The following SLC24A2 variants were observed in gnomAD, a reference collection of about 807,000 sequenced individuals.
The protein encoded by SLC24A2 is sodium/potassium/calcium exchanger 2.
A neutral mutation model predicts 62.0 loss-of-function variants in SLC24A2; 36 were observed. The ratio of observed to expected loss-of-function variants is 0.58; its 90% CI spans 0.44 to 0.77. SLC24A2 has a LOEUF of 0.77. Ranked by LOEUF, SLC24A2 falls within the 30% of genes least tolerant of loss-of-function variation. The pLI is 0.00. For missense variants in SLC24A2, 846 were observed against 817.9 expected (o/e 1.03, Z -0.42); for synonymous variants, 358 against 294.0 (o/e 1.22, Z -2.23).
chr9:19,576,941 C>G lies in SLC24A2; in HGVS notation c.1211G>C (p.Gly404Ala), dbSNP rs1836032772. 3 of 1,613,556 alleles carry G rather than the reference C, an allele frequency of 1.9e-6. No homozygotes were observed. The highest frequency in any genetic ancestry group is 1.7e-5 in the Admixed American group (1 of 60,010). The change falls in exon 6 of 11, where the codon GGG (glycine) becomes GCG (alanine). Residue 404 changes from glycine to alanine, a missense_variant. Physicochemically the swap from Gly to Ala is moderately conservative, Grantham distance 60. Transcript: ENST00000341998. ...CHVDENERQNGAANHVEKIEL... is the reference protein window; with the variant it reads ...CHVDENERQNAAANHVEKIEL... ...GCACTCACCCACGTGGTTGGCAGCC[C>G]CATTCTGCCTCTCGTTCTCATCCAC... is the stretch of plus-strand genomic sequence containing the variant.
the SLC24A2 span, among the ~76,000 whole-genome samples, chr9:20,189,299 GAAC>G: frequency 6.6e-6 from 1 of 152,072 alleles, no homozygotes; most frequent in Non-Finnish European, 1.5e-5. Flanking sequence ...AGTTTCCAGA[GAAC>G]AACAATGAAG....
chr9:19,770,460 TAA>T (rs1168987029), intron 2 of SLC24A2, among the ~76,000 whole-genome samples: 2 of 152,190 alleles, frequency 1.3e-5, no homozygotes, highest in East Asian at 1.9e-4. Flanking sequence ...AACTTTACAC[TAA>T]AAATGTGCTT....
At chr9:19,580,959 G>C (rs1304854515) in intron 5 of SLC24A2, among the ~76,000 whole-genome samples, 1 of 152,116 alleles carries the variant, frequency 6.6e-6, no homozygotes, top group Non-Finnish European at 1.5e-5. Flanking sequence ...GAGCTGCAGG[G>C]GTCTTCTGTG....
chr9:19,703,363 T>A (rs1250263475), intron 2 of SLC24A2, among the ~76,000 whole-genome samples: 1 of 152,218 alleles, frequency 6.6e-6, no homozygotes, highest in Admixed American at 6.5e-5. Flanking sequence ...GTGCTTTCTC[T>A]ATTGCACTCA....
At chr9:19,774,838 G>T (rs369506961) in intron 2 of SLC24A2, among the ~76,000 whole-genome samples, 1 of 152,194 alleles carries the variant, frequency 6.6e-6, no homozygotes. Context: ...AAGGCACTCT[G>T]AAGGAAATAA....
the SLC24A2 span, among the ~76,000 whole-genome samples, chr9:19,978,003 A>G: frequency 2.8e-4 from 43 of 152,266 alleles, no homozygotes; most frequent in South Asian, 8.7e-3. Context: ...TGGGTAAGAC[A>G]CTTTCAGAGC....
chr9:19,574,300 C>A (rs899357794), intron 6 of SLC24A2, among the ~76,000 whole-genome samples: 1 of 152,176 alleles, frequency 6.6e-6, no homozygotes, highest in Non-Finnish European at 1.5e-5. Flanking sequence ...TGAATCAGAA[C>A]ATTTAGCTAG....
At chr9:20,257,638 T>C in the SLC24A2 span, among the ~76,000 whole-genome samples, 4 of 152,240 alleles carry the variant, frequency 2.6e-5, no homozygotes, top group Non-Finnish European at 4.4e-5. Context: ...ATCTGCCGGT[T>C]ACTGACTTTT....
chr9:20,195,591 A>G, the SLC24A2 span, among the ~76,000 whole-genome samples: 5 of 152,028 alleles, frequency 3.3e-5, no homozygotes, highest in Non-Finnish European at 5.9e-5. Flanking sequence ...ATCCTTTATC[A>G]ATTATATGTA....
At chr9:20,241,907 C>A in the SLC24A2 span, among the ~76,000 whole-genome samples, 1 of 152,196 alleles carries the variant, frequency 6.6e-6, no homozygotes, top group Non-Finnish European at 1.5e-5. Flanking sequence ...TCACTTCCAC[C>A]AATGCCTATT....
chr9:20,144,999 T>G, the SLC24A2 span, among the ~76,000 whole-genome samples: 1 of 152,148 alleles, frequency 6.6e-6, no homozygotes, highest in Non-Finnish European at 1.5e-5. Flanking sequence ...ATATGTTATT[T>G]TCCTTAAACG....
chr9:20,235,764 G>T, the SLC24A2 span, among the ~76,000 whole-genome samples: 3 of 152,230 alleles, frequency 2.0e-5, no homozygotes, highest in South Asian at 4.1e-4. Flanking sequence ...GCACTCCCCA[G>T]TGAGATGAAA....
the SLC24A2 span, among the ~76,000 whole-genome samples, chr9:19,845,452 A>T: frequency 6.6e-6 from 1 of 152,094 alleles, no homozygotes; most frequent in Non-Finnish European, 1.5e-5. Context: ...AGAATCATGT[A>T]ATCAGTGAAG....
chr9:19,521,693 T>C (rs1445477255), intron 9 of SLC24A2, among the ~76,000 whole-genome samples: 1 of 152,182 alleles, frequency 6.6e-6, no homozygotes, highest in African/African-American at 2.4e-5. Context: ...GACATTTTGC[T>C]TACTGTACCA....
chr9:20,279,908 T>C, the SLC24A2 span, among the ~76,000 whole-genome samples: 1,041 of 152,296 alleles, frequency 6.8e-3, 15 homozygotes, highest in African/African-American at 0.024. Context: ...AGCTGAGTAT[T>C]TATAAAATTT....
chr9:19,559,052 G>A (rs1835261891), intron 7 of SLC24A2, among the ~76,000 whole-genome samples: 1 of 152,152 alleles, frequency 6.6e-6, no homozygotes, highest in African/African-American at 2.4e-5. Context: ...TTACAACATG[G>A]TTGTTATAAA....
chr9:19,613,432 C>T (rs1340156233), intron 4 of SLC24A2, among the ~76,000 whole-genome samples: 1 of 152,164 alleles, frequency 6.6e-6, no homozygotes, highest in Non-Finnish European at 1.5e-5. Context: ...CATCAAGGCA[C>T]AGGATGAGGA....
At chr9:20,262,202 T>C in the SLC24A2 span, among the ~76,000 whole-genome samples, 1 of 152,212 alleles carries the variant, frequency 6.6e-6, no homozygotes. Context: ...GTTTTACTTA[T>C]AAGCAAATAA....
At chr9:19,762,014 G>A (rs946931095) in intron 2 of SLC24A2, among the ~76,000 whole-genome samples, 2 of 152,082 alleles carry the variant, frequency 1.3e-5, no homozygotes, top group Admixed American at 1.3e-4. Context: ...GGATGGCTGG[G>A]TCAAATGGTA....
Sources: gnomAD v4.1 joint callset for allele counts (sites outside exome capture counted in the v4.1 genomes callset) on GRCh38, gnomAD v4.1.1 for gene constraint, MANE v1.5 for transcripts, NCBI Gene and HGNC (gene_info 2026-07-23, HGNC 2026-07-21) for gene names.